COL4A4: variants seen among roughly 807,000 people sequenced by gnomAD.
The protein encoded by COL4A4 is collagen type IV alpha 4 chain.
Under a neutral mutation model 192.9 loss-of-function variants are expected in COL4A4, and 105 were observed. The observed-to-expected ratio is 0.54, with a 90% CI of 0.46 to 0.64. The LOEUF is 0.64. Ranked by LOEUF, COL4A4 falls within the 30% of genes least tolerant of loss-of-function variation. The probability of loss-of-function intolerance (pLI) is 0.00; values close to 1 mark genes in which losing one functional copy is unlikely to be tolerated. For missense variants in COL4A4, 1,967 were observed against 2,169.3 expected (o/e 0.91, Z 1.85); for synonymous variants, 762 against 769.9 (o/e 0.99, Z 0.17).
At chr2:227,101,934 T>C in intron 15 of COL4A4, 25 bp from the exon 16 acceptor site, 1 of 1,563,492 alleles carries the variant, frequency 6.4e-7, no homozygotes. Context: ...AAAATCAGGA[T>C]AAACAGAATT....
chr2:227,136,265 G>T (rs1402755900), intron 4 of COL4A4, among the ~76,000 whole-genome samples: 1 of 152,148 alleles, frequency 6.6e-6, no homozygotes, highest in African/African-American at 2.4e-5. Flanking sequence ...TTGCTAGGGG[G>T]CTCTGGCAGG....
intron 4 of COL4A4, among the ~76,000 whole-genome samples, chr2:227,131,983 C>T (rs2062503900): frequency 6.6e-6 from 1 of 152,210 alleles, no homozygotes; most frequent in South Asian, 2.1e-4. Flanking sequence ...TTTTGGACTT[C>T]TGGCCTCTAG....
At chr2:227,147,807 A>T (rs909168950) in intron 1 of COL4A4, among the ~76,000 whole-genome samples, 9 of 149,292 alleles carry the variant, frequency 6.0e-5, no homozygotes, top group Admixed American at 5.4e-4. Context: ...TGGAAAAATT[A>T]TGTGTATATA....
At chr2:227,029,333 C>T (rs1283247599) in intron 41 of COL4A4, among the ~76,000 whole-genome samples, 1 of 152,220 alleles carries the variant, frequency 6.6e-6, no homozygotes, top group East Asian at 1.9e-4. Context: ...GTTAGCACGT[C>T]AGTCCAATTC....
Position 227,027,782 on chromosome 2 carries a change from A to G in COL4A4, c.4081+120T>C, listed in dbSNP as rs7580776. The G allele has an allele frequency of 0.11, 84,467 of 802,074 alleles. 5,110 individuals carry two copies. Among genetic ancestry groups the G allele is most frequent in the Non-Finnish European group, 0.12 (56,111 of 451,912 alleles). 49.7% of individuals were successfully genotyped at this position (802,074 alleles called of 1,614,324 possible). On this transcript the variant is annotated intron_variant, in intron 42 of 47. Transcript: ENST00000396625. Reference sequence around the variant, plus strand: ...GGCCTGAAAGAAATATACTCTTAATATAAGAAAAGGGCTTAAATAATAAGA... The same window carrying G: ...GGCCTGAAAGAAATATACTCTTAATGTAAGAAAAGGGCTTAAATAATAAGA...
intron 37 of COL4A4, among the ~76,000 whole-genome samples, chr2:227,041,876 A>G (rs1439626337): frequency 8.9e-4 from 122 of 137,760 alleles, no homozygotes; most frequent in African/African-American, 1.3e-3. Flanking sequence ...GAAAGAAAGA[A>G]AGAAAGAAAG....
intron 22 of COL4A4, among the ~76,000 whole-genome samples, chr2:227,084,868 A>G (rs1365944870): frequency 1.3e-5 from 2 of 152,200 alleles, no homozygotes; most frequent in African/African-American, 4.8e-5. Flanking sequence ...ACGGTGGCTC[A>G]TGCCTGTAAT....
At chr2:226,969,988 G>GGC in the COL4A4 span, among the ~76,000 whole-genome samples, 2 of 102,948 alleles carry the variant, frequency 1.9e-5, no homozygotes, top group African/African-American at 7.6e-5. Flanking sequence ...GTTTACAACT[G>GGC]TCCCCCCCCC....
At chr2:227,150,718 A>G (rs1214118182) in intron 1 of COL4A4, among the ~76,000 whole-genome samples, 1 of 152,140 alleles carries the variant, frequency 6.6e-6, no homozygotes, top group Non-Finnish European at 1.5e-5. Context: ...TACTGAGCAA[A>G]GGGGGAAGCC....
At chr2:227,077,753 C>T in intron 25 of COL4A4, 141 bp downstream of exon 25, 2 of 721,762 alleles carry the variant, frequency 2.8e-6, no homozygotes, top group South Asian at 1.9e-5. Flanking sequence ...CAAAAATCTA[C>T]ACGTTAGGTA....
At chr2:227,041,906 GAAA>G (rs1559479292) in intron 37 of COL4A4, among the ~76,000 whole-genome samples, 4 of 149,494 alleles carry the variant, frequency 2.7e-5, no homozygotes, top group African/African-American at 1.0e-4. Flanking sequence ...AAGAAAGAAA[GAAA>G]GAAAGAAAGA....
chr2:227,024,284 G>A (rs763753323), intron 43 of COL4A4, among the ~76,000 whole-genome samples: 6 of 152,240 alleles, frequency 3.9e-5, no homozygotes, highest in Non-Finnish European at 5.9e-5. Flanking sequence ...GCCGAGGCGG[G>A]TGGACTGCCT....
intron 34 of COL4A4, among the ~76,000 whole-genome samples, chr2:227,048,059 G>A (rs1973275032): frequency 6.6e-6 from 1 of 152,166 alleles, no homozygotes; most frequent in African/African-American, 2.4e-5. Context: ...TGTAGGCCAT[G>A]ACTCCCACAG....
At chr2:227,088,575 G>A (rs2059726779) in intron 22 of COL4A4, 78 bp downstream of exon 22, 6 of 1,542,846 alleles carry the variant, frequency 3.9e-6, no homozygotes, top group Non-Finnish European at 5.4e-6. Flanking sequence ...GTCTTGGGTA[G>A]TATCTTTATG....
chr2:227,156,957 T>C (rs2064401092), intron 1 of COL4A4, among the ~76,000 whole-genome samples: 1 of 152,152 alleles, frequency 6.6e-6, no homozygotes, highest in Non-Finnish European at 1.5e-5. Flanking sequence ...ACACAGAAGA[T>C]CTGAACAACA....
chr2:227,062,555 G>T lies in COL4A4; in HGVS notation c.2031C>A (p.Gly677=). 1 of 1,611,450 alleles carries T rather than the reference G, an allele frequency of 6.2e-7. No individual in the cohort carries two copies. Among genetic ancestry groups the T allele is most frequent in the Non-Finnish European group, 8.5e-7 (1 of 1,177,816 alleles). ...SCNVTYPGRH[G]PPGFDGPPGP... Reference sequence around the variant, plus strand: ...CTGGAGGTCCATCAAAACCTGGAGGGCCATGCCTCCCAGGGTAGGTTACGT... The same window carrying T: ...CTGGAGGTCCATCAAAACCTGGAGGTCCATGCCTCCCAGGGTAGGTTACGT... The change falls in exon 26 of 48, where the codon GGC becomes GGA. Residue 677 remains glycine, a synonymous_variant. Coordinates refer to ENST00000396625, the MANE Select transcript of COL4A4 (RefSeq NM_000092.5).
At chr2:226,974,105 C>T in the COL4A4 span, among the ~76,000 whole-genome samples, 15 of 152,284 alleles carry the variant, frequency 9.9e-5, no homozygotes, top group East Asian at 1.7e-3. Flanking sequence ...GCACAGCACT[C>T]GGTGTAACAC....
At chr2:227,014,892 CTTTTTT>C (rs1179125792) in intron 44 of COL4A4, among the ~76,000 whole-genome samples, 4 of 106,584 alleles carry the variant, frequency 3.8e-5, no homozygotes, top group African/African-American at 1.5e-4. Flanking sequence ...CCATGCCTGG[CTTTTTT>C]TTTTTTTTTT....
chr2:227,051,254 C>A, intron 32 of COL4A4, 96 bp from the exon 33 acceptor site: 1 of 1,267,010 alleles, frequency 7.9e-7, no homozygotes, highest in Non-Finnish European at 1.2e-6. Flanking sequence ...GAGATAAAGC[C>A]AAAGGTATTG....
Sources: allele counts gnomAD v4.1 joint callset (sites outside exome capture counted in the v4.1 genomes callset), GRCh38; gene constraint gnomAD v4.1.1; transcripts MANE v1.5; gene names NCBI Gene and HGNC (gene_info 2026-07-23, HGNC 2026-07-21).